Variants in PMS2 observed in about 807,000 individuals in gnomAD.
PMS2 encodes mismatch repair endonuclease PMS2.
A neutral mutation model predicts 90.0 loss-of-function variants in PMS2; 69 were observed. That is an observed-to-expected ratio of 0.77 (90% CI 0.63 to 0.94). PMS2 has a LOEUF of 0.94. PMS2 is among the 40% of genes least tolerant of loss of function. The probability of loss-of-function intolerance (pLI) is 0.00; values close to 1 mark genes in which losing one functional copy is unlikely to be tolerated. For missense variants in PMS2, 966 were observed against 1,040.2 expected (o/e 0.93, Z 0.98); for synonymous variants, 332 against 375.1 (o/e 0.89, Z 1.33).
intron 9 of PMS2, among the ~76,000 whole-genome samples, chr7:5,990,868 A>T (rs1287281634): frequency 6.6e-6 from 1 of 152,134 alleles, no homozygotes; most frequent in African/African-American, 2.4e-5. Context: ...ACAAAAAATT[A>T]GTCAGGCATG....
At chr7:5,982,662 C>A (rs1206618971) in intron 12 of PMS2, among the ~76,000 whole-genome samples, 162 bp downstream of exon 12, 3 of 152,004 alleles carry the variant, frequency 2.0e-5, no homozygotes, top group African/African-American at 7.3e-5. Context: ...ATTTTTTACA[C>A]CCCTCCTTCC....
intron 5 of PMS2, 154 bp downstream of exon 5, chr7:6,002,299 G>C (rs1379517166): frequency 1.5e-6 from 1 of 647,590 alleles, no homozygotes; most frequent in African/African-American, 1.8e-5. Flanking sequence ...CTAAAGTTAA[G>C]TCTTTAATGT....
intron 1 of PMS2, among the ~76,000 whole-genome samples, chr7:6,007,617 G>GTT (rs1401556851): frequency 2.0e-5 from 3 of 152,108 alleles, no homozygotes; most frequent in Non-Finnish European, 4.4e-5. Context: ...AGAGAAGGCA[G>GTT]GAAACCTCCA....
chr7:5,988,836 C>A (rs568151614), intron 10 of PMS2, among the ~76,000 whole-genome samples: 1 of 151,540 alleles, frequency 6.6e-6, no homozygotes, highest in Non-Finnish European at 1.5e-5. Context: ...TTAAACTATA[C>A]CGTTTTGGGT....
chr7:5,991,795 C>T (rs542639811), intron 9 of PMS2, among the ~76,000 whole-genome samples, 178 bp downstream of exon 9: 9 of 152,014 alleles, frequency 5.9e-5, no homozygotes, highest in South Asian at 2.1e-4. Context: ...GCCGAGATCA[C>T]GCCACCACAC....
chr7:5,988,104 A>G (rs1340006475), intron 10 of PMS2, among the ~76,000 whole-genome samples: 1 of 151,384 alleles, frequency 6.6e-6, no homozygotes, highest in African/African-American at 2.4e-5. Flanking sequence ...ATATGGCCAT[A>G]TACTCACCAG....
chr7:5,989,195 C>T (rs1583331562), intron 10 of PMS2, among the ~76,000 whole-genome samples: 1 of 152,172 alleles, frequency 6.6e-6, no homozygotes. Flanking sequence ...TTTTCAGAGG[C>T]CAAGGCTAGA....
rs530021751 is a variant in PMS2 at position 5,992,026 on chromosome 7, A to G, written c.935T>C (p.Met312Thr). Reference protein sequence around the residue: ...VCRLVNEVYHMYNRHQYPFVV... With the variant: ...VCRLVNEVYHTYNRHQYPFVV... ...AAATGGATACTGGTGTCGATTATACATGTGGTAGACCTCATTCACGAGTCT... is the reference window on the plus strand; with the variant it reads ...AAATGGATACTGGTGTCGATTATACGTGTGGTAGACCTCATTCACGAGTCT... Residue 312 changes from methionine to threonine, a missense_variant, in exon 9 of 15, where the codon ATG (methionine) becomes ACG (threonine). By Grantham distance (81) the Met-to-Thr change is moderately conservative. Transcript: ENST00000265849. 5.7e-5 allele frequency: 91 copies of G among 1,601,512 alleles called. 2 individuals carry two copies. In the South Asian group the frequency reaches 9.4e-4, roughly 16 times the overall value.
chr7:5,993,161 A>C (rs2128761725), intron 8 of PMS2, among the ~76,000 whole-genome samples: 1 of 151,588 alleles, frequency 6.6e-6, no homozygotes, highest in South Asian at 2.1e-4. Context: ...GCCTGAGCTC[A>C]GGAGTTCTTG....
chr7:5,999,941 T>C (rs539650156), intron 5 of PMS2, among the ~76,000 whole-genome samples: 1 of 152,270 alleles, frequency 6.6e-6, no homozygotes, highest in Non-Finnish European at 1.5e-5. Flanking sequence ...TGAAACAATC[T>C]CTATGAACAA....
rs371342884 is a variant in PMS2, at chr7:6,002,606, C to T, written c.384G>A (p.Ser128=). Residue 128 remains serine (S), a synonymous_variant, in exon 5 of 15, where the codon TCG becomes TCA. Transcript: ENST00000265849. The stretch of plus-strand genomic sequence containing the variant: ...ACATCAGTCGAGTTCCAACCTTCGC[C>T]GATGCGTGGCAGGTAGAAATGGTGA... ...SDVTISTCHA[S]AKVGTRLMFD... 90 of 1,611,734 alleles carry T rather than the reference C, an allele frequency of 5.6e-5. No homozygotes were observed. Among genetic ancestry groups the T allele is most frequent in the Middle Eastern group, 2.2e-4 (1 of 4,452 alleles).
chr7:5,983,803 C>T (rs892502902), intron 11 of PMS2, among the ~76,000 whole-genome samples: 62 of 151,594 alleles, frequency 4.1e-4, no homozygotes, highest in Non-Finnish European at 8.4e-4. Context: ...AGGCATGCAC[C>T]GCCAAGCCCG....
rs1189229043 is a variant in PMS2 at position 6,005,384 on chromosome 7, T to C, written c.163+508A>G. Among the ~76,000 whole-genome samples the C allele has an allele frequency of 2.6e-5, 4 of 152,152 alleles. No individual in the cohort carries two copies. In the East Asian group the frequency reaches 7.7e-4, roughly 29 times the overall value. On this transcript the variant is annotated intron_variant, in intron 2 of 14. Transcript: ENST00000265849. ...CAGGTCCAGCTAATTTTTGTATTTT[T>C]AGTAGAGACAGAGTTTCACCACTTT...
intron 9 of PMS2, 56 bp downstream of exon 9, chr7:5,991,917 A>C: frequency 1.2e-6 from 1 of 855,010 alleles, no homozygotes; most frequent in East Asian, 2.4e-5. Flanking sequence ...GTAGAATTTC[A>C]TTTTATTCTT....
At position 6,006,846 on chromosome 7, in the gene PMS2, G is replaced by A. The variant is rs147261211; in HGVS notation, c.24-815C>T. ...AGCAAAGACCCTCAAAGCTCTTGCTGTACTAGCTTTAAGAGTTTTATAAAG... is the reference window on the plus strand; with the variant it reads ...AGCAAAGACCCTCAAAGCTCTTGCTATACTAGCTTTAAGAGTTTTATAAAG... On this transcript the variant is annotated intron_variant, in intron 1 of 14. Transcript: ENST00000265849. Among the ~76,000 whole-genome samples, 147 of 152,176 alleles carry A rather than the reference G, an allele frequency of 9.7e-4. 2 individuals are homozygous for A. The East Asian group carries it at 0.027, about 28-fold the overall frequency.
At chr7:5,984,451 G>A (rs1782646665) in intron 11 of PMS2, among the ~76,000 whole-genome samples, 1 of 151,708 alleles carries the variant, frequency 6.6e-6, no homozygotes. Context: ...GACAAGAAAT[G>A]GCTCTGTTAA....
rs773109986 is a variant in PMS2, at chr7:6,004,040, T to C, written c.182A>G (p.Tyr61Cys). 3 of 1,590,178 alleles carry C rather than the reference T, an allele frequency of 1.9e-6. No individual in the cohort carries two copies. The highest frequency in any genetic ancestry group is 1.3e-5 in the African/African-American group (1 of 74,376). Reference sequence around the variant, plus strand: ...TGAAACTTCAATAAGATCCACTCCATAGTCCTTAAGCTTTAGATCTAGAAA... The same window carrying C: ...TGAAACTTCAATAAGATCCACTCCACAGTCCTTAAGCTTTAGATCTAGAAA... Reference protein sequence around the residue: ...ATNIDLKLKDYGVDLIEVSDN... With the variant: ...ATNIDLKLKDCGVDLIEVSDN... Residue 61 changes from tyrosine to cysteine, a missense_variant, in exon 3 of 15, where the codon TAT becomes TGT. By Grantham distance (194) the Tyr-to-Cys change is radical. This residue lies in a region of PMS2 where 871 missense variants were observed against 802.4 expected (regional missense o/e 1.09). Transcript: ENST00000265849.
In PMS2 at chr7:5,997,426, GAAAAAAA is replaced by G; in HGVS notation, c.706-10_706-4del. 2.7e-6 allele frequency: 3 copies of G among 1,102,786 alleles called. No individual in the cohort carries two copies. The highest frequency in any genetic ancestry group is 2.2e-5 in the Admixed American group (1 of 45,746). 68.3% of individuals were successfully genotyped at this position (1,102,786 alleles called of 1,614,324 possible). A position where few individuals can be genotyped will look rare whatever the true frequency, so the allele number is the denominator to read the frequency against. ...ACAAAAGGAATGAGGCTTTGCAACT[GAAAAAAA>G]AAAAAAAAAATTCACAGTTACTTCC... On this transcript the variant is annotated splice_region_variant and splice_polypyrimidine_tract_variant and intron_variant, in intron 6 of 14. Transcript: ENST00000265849.
At chr7:5,981,554 CTA>C (rs1169299063) in intron 12 of PMS2, among the ~76,000 whole-genome samples, 4 of 149,778 alleles carry the variant, frequency 2.7e-5, no homozygotes, top group Non-Finnish European at 5.9e-5. Context: ...CCTGCAGTGA[CTA>C]TCTGACTTCT....
Sources: allele counts gnomAD v4.1 joint callset (sites outside exome capture counted in the v4.1 genomes callset), GRCh38; gene constraint gnomAD v4.1.1; regional missense constraint gnomAD v4.1.1; transcripts MANE v1.5; gene names NCBI Gene and HGNC (gene_info 2026-07-23, HGNC 2026-07-21).